Variants in LCLAT1 observed in about 807,000 individuals in gnomAD.
LCLAT1 encodes 1-AGP acyltransferase 8.
A neutral mutation model predicts 30.7 loss-of-function variants in LCLAT1; 11 were observed. The ratio of observed to expected loss-of-function variants is 0.36; its 90% CI spans 0.23 to 0.59. The LOEUF is 0.59. Among genes scored for constraint, LCLAT1 ranks in the 20% least tolerant of loss-of-function variants. LCLAT1 has a pLI of 0.77. For missense variants in LCLAT1, 402 were observed against 458.6 expected (o/e 0.88, Z 1.13); for synonymous variants, 155 against 151.3 (o/e 1.02, Z -0.18).
At chr2:30,454,518 A>G (rs1572463320) in intron 1 of LCLAT1, among the ~76,000 whole-genome samples, 1 of 152,100 alleles carries the variant, frequency 6.6e-6, no homozygotes, top group Non-Finnish European at 1.5e-5. Context: ...TAGCCTGATC[A>G]CAGCTCACTG....
intron 5 of LCLAT1, among the ~76,000 whole-genome samples, chr2:30,571,358 G>T (rs757898611): frequency 6.6e-6 from 1 of 152,128 alleles, no homozygotes; most frequent in African/African-American, 2.4e-5. Flanking sequence ...TCTTGTTTGT[G>T]GGACGCTCAT....
At chr2:30,601,862 T>TTGTTTTGTTGTAG (rs1667200739) in intron 5 of LCLAT1, among the ~76,000 whole-genome samples, 6 of 137,716 alleles carry the variant, frequency 4.4e-5, no homozygotes, top group African/African-American at 7.7e-5. Flanking sequence ...ACAAGGATCC[T>TTGTTTTGTTGTAG]ATAGATATCT....
At chr2:30,506,979 A>T (rs1348823701) in intron 1 of LCLAT1, among the ~76,000 whole-genome samples, 1 of 152,186 alleles carries the variant, frequency 6.6e-6, no homozygotes, top group East Asian at 1.9e-4. Flanking sequence ...ATTCCTTCAG[A>T]TTGCAGAATA....
intron 5 of LCLAT1, among the ~76,000 whole-genome samples, chr2:30,590,518 T>TTA (rs34008509): frequency 0.14 from 21,164 of 146,982 alleles, 1,591 homozygotes; most frequent in South Asian, 0.22. Context: ...TGGACATATT[T>TTA]TATATATATA....
chr2:30,536,130 A>C (rs1426752985), intron 3 of LCLAT1, among the ~76,000 whole-genome samples: 4 of 152,222 alleles, frequency 2.6e-5, no homozygotes, highest in Non-Finnish European at 1.5e-5. Context: ...GAATGAAGAA[A>C]GCTTACAGAA....
At chr2:30,491,522 C>T (rs1683831623) in intron 1 of LCLAT1, among the ~76,000 whole-genome samples, 1 of 152,094 alleles carries the variant, frequency 6.6e-6, no homozygotes, top group African/African-American at 2.4e-5. Flanking sequence ...GTGGTATTGC[C>T]TCATTAAACT....
At chr2:30,622,151 C>T (rs1045548873) in intron 5 of LCLAT1, among the ~76,000 whole-genome samples, 10 of 152,178 alleles carry the variant, frequency 6.6e-5, no homozygotes, top group Middle Eastern at 3.4e-3. Flanking sequence ...TGTTCCCTGG[C>T]GACCTGTGTG....
intron 1 of LCLAT1, among the ~76,000 whole-genome samples, chr2:30,494,369 T>C (rs1683989067): frequency 6.6e-6 from 1 of 152,168 alleles, no homozygotes; most frequent in South Asian, 2.1e-4. Flanking sequence ...CTTTTAGGCT[T>C]ATTTTTGAAA....
chr2:30,610,913 G>A (rs994652753), intron 5 of LCLAT1, among the ~76,000 whole-genome samples: 7 of 151,718 alleles, frequency 4.6e-5, no homozygotes, highest in African/African-American at 1.7e-4. Flanking sequence ...TTCCTCACCT[G>A]TTACCATCCT....
chr2:30,632,719 C>T (rs965258780), intron 5 of LCLAT1, among the ~76,000 whole-genome samples: 1 of 152,218 alleles, frequency 6.6e-6, no homozygotes, highest in Non-Finnish European at 1.5e-5. Flanking sequence ...ATCCCATTTG[C>T]TCTTCACAAA....
intron 1 of LCLAT1, among the ~76,000 whole-genome samples, chr2:30,512,824 T>C (rs751357847): frequency 4.6e-5 from 7 of 152,192 alleles, no homozygotes; most frequent in Non-Finnish European, 7.4e-5. Flanking sequence ...ATGTTCCCCC[T>C]TCTCTTATTG....
intron 4 of LCLAT1, among the ~76,000 whole-genome samples, chr2:30,566,586 G>A (rs181323073): frequency 5.3e-5 from 8 of 152,210 alleles, no homozygotes; most frequent in Non-Finnish European, 1.0e-4. Flanking sequence ...TGAGGACTCC[G>A]TGATCTTAAA....
chr2:30,476,296 C>G (rs775023911), intron 1 of LCLAT1: 14 of 430,526 alleles, frequency 3.3e-5, no homozygotes, highest in Non-Finnish European at 5.6e-5. Flanking sequence ...AATAATTTGC[C>G]CAGGGTCACA....
intron 1 of LCLAT1, among the ~76,000 whole-genome samples, chr2:30,480,722 T>G (rs1316379883): frequency 6.6e-6 from 1 of 152,100 alleles, no homozygotes; most frequent in Non-Finnish European, 1.5e-5. Flanking sequence ...CATTGCAGTT[T>G]TAGCCTGGGC....
chr2:30,553,782 TC>T (rs1344695785), intron 3 of LCLAT1, among the ~76,000 whole-genome samples: 2 of 151,550 alleles, frequency 1.3e-5, no homozygotes, highest in East Asian at 3.9e-4. Flanking sequence ...GCCACTGCAG[TC>T]CGCAGTCCGG....
At chr2:30,613,453 A>G (rs1044189603) in intron 5 of LCLAT1, among the ~76,000 whole-genome samples, 4 of 152,080 alleles carry the variant, frequency 2.6e-5, no homozygotes, top group African/African-American at 9.7e-5. Context: ...TGGATTCTAG[A>G]TACATTTTAA....
chr2:30,626,751 T>A (rs1175720574), intron 5 of LCLAT1, among the ~76,000 whole-genome samples: 1 of 152,074 alleles, frequency 6.6e-6, no homozygotes, highest in Non-Finnish European at 1.5e-5. Context: ...TCCTCTTTAG[T>A]AATGAAGCAT....
intron 5 of LCLAT1, among the ~76,000 whole-genome samples, chr2:30,579,134 T>G (rs947485339): frequency 5.3e-5 from 8 of 152,166 alleles, no homozygotes; most frequent in African/African-American, 1.9e-4. Context: ...TAGATTAGTT[T>G]TAATGAAGGC....
chr2:30,543,280 G>C (rs990069248), intron 3 of LCLAT1, among the ~76,000 whole-genome samples: 2 of 152,044 alleles, frequency 1.3e-5, no homozygotes, highest in Non-Finnish European at 2.9e-5. Context: ...GTTAATCTCT[G>C]ATGGTAAACT....
Sources: gnomAD v4.1 joint callset for allele counts (sites outside exome capture counted in the v4.1 genomes callset) on GRCh38, gnomAD v4.1.1 for gene constraint, MANE v1.5 for transcripts, NCBI Gene and HGNC (gene_info 2026-07-23, HGNC 2026-07-21) for gene names.